The following USP15 variants were observed in gnomAD, a reference collection of about 807,000 sequenced individuals.
USP15 encodes the protein ubiquitin specific peptidase 15, also known as ubiquitin carboxyl-terminal hydrolase 15.
In USP15, 18 loss-of-function variants were observed where a neutral mutation model predicts 127.1. That is an observed-to-expected ratio of 0.14 (90% CI 0.10 to 0.21). USP15 has a LOEUF of 0.21. Ranked by LOEUF, USP15 falls within the 10% of genes least tolerant of loss-of-function variation. The pLI, the probability that USP15 is intolerant of heterozygous loss-of-function variation, is 1.00. For missense variants in USP15, 805 were observed against 1,159.9 expected (o/e 0.69, Z 4.44); for synonymous variants, 364 against 393.7 (o/e 0.92, Z 0.89).
chr12:62,270,524 A>G (rs534845625), intron 1 of USP15, among the ~76,000 whole-genome samples: 8 of 152,094 alleles, frequency 5.3e-5, no homozygotes, highest in African/African-American at 9.6e-5. Context: ...AATTCAATCG[A>G]GTTAATTTTT....
At position 62,404,274 on chromosome 12, in the gene USP15, A is replaced by G; in HGVS notation, c.2845A>G (p.Lys949Glu). 1.2e-6 allele frequency: 2 copies of G among 1,613,434 alleles called. No homozygotes were observed. Among genetic ancestry groups the G allele is most frequent in the Non-Finnish European group, 1.7e-6 (2 of 1,179,464 alleles). Residue 949 changes from lysine to glutamate, a missense_variant, in exon 22 of 22, where the codon AAA becomes GAA. Lys to Glu is a moderately conservative substitution (Grantham distance 56). This residue lies in a region of USP15 where 116 missense variants were observed against 157.2 expected (regional missense o/e 0.74). Transcript: ENST00000280377. ...TGFFPLDRET[K>E]GASAATGIPL... ...CTTTTTTCCTCTTGACCGAGAAACT[A>G]AAGGTGCTTCAGCTGCCACTGGCAT...
In USP15 at chr12:62,325,963, G is replaced by C. The variant is rs751344654; in HGVS notation, c.683+30G>C. ...GTGCTCCCACTTCTTATGGCTTATTGTATGATTTTGAAGCCCTTGATGCTA... is the reference window on the plus strand; with the variant it reads ...GTGCTCCCACTTCTTATGGCTTATTCTATGATTTTGAAGCCCTTGATGCTA... On this transcript the variant is annotated intron_variant, in intron 6 of 21. Coordinates refer to ENST00000280377, the MANE Select transcript of USP15 (RefSeq NM_001252078.2). 17 of 1,585,250 alleles carry C rather than the reference G, an allele frequency of 1.1e-5. No homozygotes were observed. In the East Asian group the frequency reaches 3.8e-4, roughly 36 times the overall value.
intron 1 of USP15, among the ~76,000 whole-genome samples, chr12:62,263,437 A>G (rs536529967): frequency 2.6e-5 from 4 of 152,332 alleles, no homozygotes; most frequent in African/African-American, 9.6e-5. Context: ...TAACTCGGGT[A>G]ACTAACTTCC....
intron 1 of USP15, among the ~76,000 whole-genome samples, chr12:62,287,229 A>G (rs1170968690): frequency 2.6e-5 from 4 of 152,138 alleles, no homozygotes; most frequent in Admixed American, 6.5e-5. Context: ...CGTATTTGCT[A>G]CTGGGCAACA....
chr12:62,313,286 AT>A (rs1257895208), intron 3 of USP15, among the ~76,000 whole-genome samples: 3 of 151,684 alleles, frequency 2.0e-5, no homozygotes, highest in African/African-American at 7.2e-5. Flanking sequence ...TATTATGAAA[AT>A]GTATTTTCAT....
At chr12:62,278,624 A>G (rs1430117887) in intron 1 of USP15, 2 of 152,178 alleles carry the variant, frequency 1.3e-5, no homozygotes. Context: ...TTGGCAAGAA[A>G]GTCATTATGC....
At chr12:62,284,101 A>G (rs2063727502) in intron 1 of USP15, among the ~76,000 whole-genome samples, 1 of 152,220 alleles carries the variant, frequency 6.6e-6, no homozygotes, top group South Asian at 2.1e-4. Context: ...TATAAAATTT[A>G]TTGAAAGACA....
At chr12:62,291,651 A>G (rs1419899486) in intron 1 of USP15, among the ~76,000 whole-genome samples, 1 of 152,178 alleles carries the variant, frequency 6.6e-6, no homozygotes, top group Non-Finnish European at 1.5e-5. Context: ...AGTTTGAATT[A>G]ATTTTTGTTT....
intron 1 of USP15, among the ~76,000 whole-genome samples, chr12:62,284,461 G>C (rs2063735595): frequency 6.6e-6 from 1 of 152,140 alleles, no homozygotes; most frequent in Admixed American, 6.5e-5. Flanking sequence ...TCCACTTTTA[G>C]GGAGTTAAAC....
chr12:62,386,410 T>C (rs2067151070), intron 11 of USP15, among the ~76,000 whole-genome samples: 1 of 152,038 alleles, frequency 6.6e-6, no homozygotes, highest in Non-Finnish European at 1.5e-5. Flanking sequence ...AGAAATATAA[T>C]GGTGTTTCTA....
intron 8 of USP15, among the ~76,000 whole-genome samples, chr12:62,379,341 A>G (rs56277058): frequency 0.078 from 11,871 of 152,192 alleles, 587 homozygotes; most frequent in Middle Eastern, 0.16. Flanking sequence ...GGATGAGGCT[A>G]CATAGATGAG....
chr12:62,322,400 T>A (rs1001756351), intron 5 of USP15, among the ~76,000 whole-genome samples: 8 of 152,120 alleles, frequency 5.3e-5, no homozygotes, highest in Non-Finnish European at 1.5e-5. Flanking sequence ...CCTCCCAAAG[T>A]GCTGGGATTA....
At chr12:62,396,195 T>C (rs765525064) in intron 19 of USP15, 100 bp from the exon 20 acceptor site, 7 of 701,586 alleles carry the variant, frequency 1.0e-5, no homozygotes, top group East Asian at 3.2e-5. Context: ...TGGATAGATA[T>C]AGATATATAT....
intron 6 of USP15, among the ~76,000 whole-genome samples, chr12:62,348,538 G>T (rs1286611375): frequency 2.0e-5 from 3 of 152,082 alleles, no homozygotes; most frequent in Non-Finnish European, 4.4e-5. Context: ...ATTACAAGGG[G>T]AAATAAAACT....
Position 62,335,682 on chromosome 12 carries a change from A to G in USP15, c.683+9749A>G. 5.1e-6 allele frequency: 5 copies of G among 986,020 alleles called. No homozygotes were observed. The South Asian group carries it at 1.4e-4, about 28-fold the overall frequency. 61.1% of individuals were successfully genotyped at this position (986,020 alleles called of 1,614,324 possible). ...CTTCATCTTTAAAACCAAAAACCAT[A>G]TACTTCCTCCATTTACCATCCTTAA... On this transcript the variant is annotated intron_variant, in intron 6 of 21. Coordinates refer to ENST00000280377, the MANE Select transcript of USP15 (RefSeq NM_001252078.2).
intron 6 of USP15, chr12:62,327,679 T>C (rs1255261071): frequency 6.9e-6 from 3 of 435,986 alleles, no homozygotes; most frequent in South Asian, 5.0e-5. Flanking sequence ...CATTTTTATT[T>C]ATTCCAACAA....
At chr12:62,321,831 A>C (rs1365210988) in intron 5 of USP15, among the ~76,000 whole-genome samples, 1 of 152,174 alleles carries the variant, frequency 6.6e-6, no homozygotes, top group Non-Finnish European at 1.5e-5. Flanking sequence ...TTAATTAGAA[A>C]AAAATCCCAG....
intron 16 of USP15, 30 bp downstream of exon 16, chr12:62,391,459 T>A: frequency 6.3e-7 from 1 of 1,580,390 alleles, no homozygotes; most frequent in Non-Finnish European, 8.5e-7. Flanking sequence ...GGCTTGAACA[T>A]TAAACAAGCC....
chr12:62,273,523 A>T (rs1040142415), intron 1 of USP15, among the ~76,000 whole-genome samples: 1 of 152,116 alleles, frequency 6.6e-6, no homozygotes, highest in Non-Finnish European at 1.5e-5. Context: ...AGTGTCAAAA[A>T]TAGAAGTTTG....
Sources: gnomAD v4.1 joint callset for allele counts (sites outside exome capture counted in the v4.1 genomes callset) on GRCh38, gnomAD v4.1.1 for gene constraint, gnomAD v4.1.1 regional missense constraint, MANE v1.5 for transcripts, NCBI Gene and HGNC (gene_info 2026-07-23, HGNC 2026-07-21) for gene names.